ANK2: variants seen among roughly 807,000 people sequenced by gnomAD.
ANK2 encodes ankyrin-2.
ANK2 carries 83 observed loss-of-function variants against 360.5 expected under a neutral mutation model. The ratio of observed to expected loss-of-function variants is 0.23; its 90% CI spans 0.19 to 0.28. ANK2 has a LOEUF of 0.28. Ranked by LOEUF, ANK2 falls within the 10% of genes least tolerant of loss-of-function variation. The pLI is 1.00. For synonymous variants in ANK2, 1,740 were observed against 1,759.5 expected (o/e 0.99, Z 0.28); for missense variants, 4,201 against 4,795.7 (o/e 0.88, Z 3.66).
At chr4:113,004,010 G>A (rs150400753) in intron 2 of ANK2, among the ~76,000 whole-genome samples, 3 of 152,238 alleles carry the variant, frequency 2.0e-5, no homozygotes, top group Admixed American at 6.5e-5. Flanking sequence ...ATGATACATC[G>A]GTATAGGGCA....
chr4:113,363,189 T>C (rs531000919), intron 39 of ANK2, 149 bp from the exon 40 acceptor site: 15 of 752,806 alleles, frequency 2.0e-5, no homozygotes, highest in South Asian at 1.9e-4. Flanking sequence ...AACAAAGGCA[T>C]ATAAGAGTCA....
rs542969365 is a variant in ANK2, at chr4:113,281,045, A to G, written c.1882-1630A>G. 3.9e-4 allele frequency among the ~76,000 whole-genome samples: 59 copies of G among 152,314 alleles called. 1 individual carries two copies. Among genetic ancestry groups the G allele is most frequent in the Middle Eastern group, 6.8e-3 (2 of 294 alleles). The stretch of plus-strand genomic sequence containing the variant: ...AAGGCTTCCAAGCTGAATTTCCTTC[A>G]GTTGCTTCAGGAGAAACATTGTTTG... On this transcript the variant is annotated intron_variant, in intron 17 of 45. Coordinates refer to ENST00000357077, the MANE Select transcript of ANK2 (RefSeq NM_001148.6).
At chr4:112,897,251 G>A (rs2082042935) in intron 1 of ANK2, among the ~76,000 whole-genome samples, 1 of 152,064 alleles carries the variant, frequency 6.6e-6, no homozygotes, top group Admixed American at 6.6e-5. Context: ...TCTCTCCTGG[G>A]TTTTCCTGGG....
intron 2 of ANK2, among the ~76,000 whole-genome samples, chr4:112,993,473 T>C (rs960439953): frequency 4.6e-5 from 7 of 151,712 alleles, no homozygotes; most frequent in Non-Finnish European, 1.0e-4. Context: ...TGGCTAATTT[T>C]TTTTTTGTAT....
At chr4:113,165,395 T>C (rs1249483685) in intron 1 of ANK2, among the ~76,000 whole-genome samples, 1 of 152,164 alleles carries the variant, frequency 6.6e-6, no homozygotes, top group African/African-American at 2.4e-5. Flanking sequence ...GAAGTACAGA[T>C]TTCCATGTTA....
chr4:112,951,790 T>TAATAAGTAATAA (rs2095033215), intron 2 of ANK2, among the ~76,000 whole-genome samples: 1 of 152,220 alleles, frequency 6.6e-6, no homozygotes, highest in Non-Finnish European at 1.5e-5. Context: ...AGCACATATT[T>TAATAAGTAATAA]TACGAGTAAT....
At chr4:113,110,271 C>G (rs1338625361) in intron 1 of ANK2, among the ~76,000 whole-genome samples, 1 of 152,122 alleles carries the variant, frequency 6.6e-6, no homozygotes, top group Non-Finnish European at 1.5e-5. Context: ...TACTCACTAT[C>G]ATGAGAACAG....
chr4:112,879,827 A>G (rs2076217769), intron 1 of ANK2, among the ~76,000 whole-genome samples: 1 of 152,092 alleles, frequency 6.6e-6, no homozygotes, highest in South Asian at 2.1e-4. Context: ...TTATCTACCC[A>G]GTGTCTATGT....
intron 1 of ANK2, among the ~76,000 whole-genome samples, chr4:112,856,181 TG>T (rs2066352689): frequency 6.6e-6 from 1 of 152,206 alleles, no homozygotes; most frequent in Admixed American, 6.5e-5. Context: ...AACTTGTTTT[TG>T]TTAAGCTAAA....
chr4:113,301,142 A>T (rs1007144367), intron 22 of ANK2, among the ~76,000 whole-genome samples: 1 of 152,146 alleles, frequency 6.6e-6, no homozygotes, highest in Admixed American at 6.5e-5. Flanking sequence ...TGTTACTCTT[A>T]TGTCAAGGGA....
intron 1 of ANK2, among the ~76,000 whole-genome samples, chr4:112,903,734 C>A (rs776741191): frequency 1.3e-5 from 2 of 152,064 alleles, no homozygotes; most frequent in African/African-American, 2.4e-5. Flanking sequence ...GTAAATAAAT[C>A]AAATCTTTTG....
At chr4:113,300,244 A>T (rs1381583766) in intron 22 of ANK2, among the ~76,000 whole-genome samples, 2 of 152,186 alleles carry the variant, frequency 1.3e-5, no homozygotes. Flanking sequence ...CACTAGAAAT[A>T]TGCAGGCAAG....
intron 1 of ANK2, among the ~76,000 whole-genome samples, chr4:112,822,131 G>A (rs1373846971): frequency 1.3e-5 from 2 of 151,626 alleles, no homozygotes; most frequent in South Asian, 2.1e-4. Context: ...GGCCGGGCAC[G>A]GTGGCTTACG....
At chr4:112,756,898 G>A in the ANK2 span, among the ~76,000 whole-genome samples, 4 of 151,896 alleles carry the variant, frequency 2.6e-5, no homozygotes, top group African/African-American at 9.7e-5. Flanking sequence ...GCTTGAACCC[G>A]GGAGGCAGAG....
At chr4:112,851,073 G>A (rs2064864852) in intron 1 of ANK2, among the ~76,000 whole-genome samples, 2 of 152,074 alleles carry the variant, frequency 1.3e-5, no homozygotes, top group Admixed American at 6.5e-5. Flanking sequence ...AACCAGTAGA[G>A]GGATACACTA....
At chr4:112,877,209 C>G (rs1027063031) in intron 1 of ANK2, among the ~76,000 whole-genome samples, 9 of 152,124 alleles carry the variant, frequency 5.9e-5, no homozygotes, top group Non-Finnish European at 1.0e-4. Flanking sequence ...CCTCTTTCCC[C>G]CATTGCCTCC....
chr4:113,184,081 T>A (rs528253044), intron 2 of ANK2, among the ~76,000 whole-genome samples: 1 of 149,336 alleles, frequency 6.7e-6, no homozygotes, highest in African/African-American at 2.4e-5. Flanking sequence ...TATGCATCAC[T>A]TGAGTAGACT....
At chr4:112,786,021 T>C in the ANK2 span, among the ~76,000 whole-genome samples, 2 of 151,954 alleles carry the variant, frequency 1.3e-5, no homozygotes, top group African/African-American at 2.4e-5. Flanking sequence ...TTGTATTTTT[T>C]TGTAGAGACG....
the ANK2 span, among the ~76,000 whole-genome samples, chr4:112,800,571 G>A: frequency 4.6e-5 from 7 of 152,262 alleles, no homozygotes; most frequent in South Asian, 2.1e-4. Flanking sequence ...ATTTGCCAGC[G>A]TTGGGAGAAT....
Sources: gnomAD v4.1 joint callset for allele counts (sites outside exome capture counted in the v4.1 genomes callset) on GRCh38, gnomAD v4.1.1 for gene constraint, MANE v1.5 for transcripts, NCBI Gene and HGNC (gene_info 2026-07-23, HGNC 2026-07-21) for gene names.